DYNC2I1: variants seen among roughly 807,000 people sequenced by gnomAD.
DYNC2I1 encodes the protein cytoplasmic dynein 2 intermediate chain 1.
Under a neutral mutation model 133.4 loss-of-function variants are expected in DYNC2I1, and 89 were observed. The ratio of observed to expected loss-of-function variants is 0.67; its 90% confidence interval spans 0.56 to 0.80. The LOEUF (loss-of-function observed/expected upper bound fraction) is 0.80, where lower values mean the gene tolerates loss of function less well. Among genes scored for constraint, DYNC2I1 ranks in the 30% least tolerant of loss-of-function variants. The probability of loss-of-function intolerance (pLI) is 0.00; values close to 1 mark genes in which losing one functional copy is unlikely to be tolerated. For synonymous variants in DYNC2I1, 504 were observed against 484.3 expected, an observed-to-expected ratio of 1.04 and a Z score of -0.54; for missense variants, 1,291 against 1,314.5, an observed-to-expected ratio of 0.98 and a Z score of 0.28.
intron 24 of DYNC2I1, among the ~76,000 whole-genome samples, chr7:158,942,473 G>T (rs767520134): frequency 1.3e-5 from 2 of 152,144 alleles, no homozygotes; most frequent in African/African-American, 2.4e-5. Context: ...TCACTCTTGG[G>T]TTGTGCATTT....
At chr7:158,889,144 G>A (rs1485513727) in intron 7 of DYNC2I1, among the ~76,000 whole-genome samples, 7 of 145,738 alleles carry the variant, frequency 4.8e-5, no homozygotes, top group East Asian at 2.1e-4. Context: ...GCAGTGGCGC[G>A]ATCTTGGCTC....
chr7:158,890,451 T>C (rs985923177), intron 7 of DYNC2I1, among the ~76,000 whole-genome samples: 3 of 152,204 alleles, frequency 2.0e-5, no homozygotes, highest in Non-Finnish European at 1.5e-5. Flanking sequence ...GAATTTATCT[T>C]GGTTCAATTC....
At chr7:158,911,852 G>A (rs1352264381) in intron 12 of DYNC2I1, among the ~76,000 whole-genome samples, 173 bp downstream of exon 12, 1 of 152,230 alleles carries the variant, frequency 6.6e-6, no homozygotes, top group African/African-American at 2.4e-5. Context: ...TCACCCGAGA[G>A]GCCGGGCACA....
the DYNC2I1 span, among the ~76,000 whole-genome samples, chr7:158,850,158 A>G: frequency 6.6e-6 from 1 of 152,104 alleles, no homozygotes; most frequent in African/African-American, 2.4e-5. Context: ...CTGAAGGTGC[A>G]GGCTACAGAG....
intron 21 of DYNC2I1, among the ~76,000 whole-genome samples, chr7:158,932,762 C>A (rs1287848625): frequency 6.6e-6 from 1 of 152,094 alleles, no homozygotes; most frequent in Non-Finnish European, 1.5e-5. Context: ...CAACCAGGAT[C>A]TGAACAAAGG....
intron 14 of DYNC2I1, among the ~76,000 whole-genome samples, chr7:158,915,708 A>T: frequency 6.7e-6 from 1 of 149,846 alleles, no homozygotes; most frequent in Non-Finnish European, 1.5e-5. Flanking sequence ...GACATTAAGG[A>T]TGATTGTGAA....
intron 8 of DYNC2I1, among the ~76,000 whole-genome samples, chr7:158,893,736 G>T (rs530958573): frequency 1.1e-4 from 16 of 150,596 alleles, no homozygotes; most frequent in Non-Finnish European, 1.8e-4. Flanking sequence ...ATGTCACACC[G>T]CATATCATAC....
At chr7:158,881,251 C>G (rs1843975756) in intron 5 of DYNC2I1, among the ~76,000 whole-genome samples, 1 of 152,144 alleles carries the variant, frequency 6.6e-6, no homozygotes, top group Non-Finnish European at 1.5e-5. Flanking sequence ...CACTGTCTTC[C>G]GCAGCCCACG....
At chr7:158,906,357 T>C (rs775239027) in intron 11 of DYNC2I1, among the ~76,000 whole-genome samples, 10 of 152,178 alleles carry the variant, frequency 6.6e-5, no homozygotes, top group Non-Finnish European at 1.2e-4. Context: ...ATCGAGAAAT[T>C]TGTAAAATTT....
At chr7:158,867,527 G>A (rs2095647063) in intron 1 of DYNC2I1, among the ~76,000 whole-genome samples, 1 of 152,204 alleles carries the variant, frequency 6.6e-6, no homozygotes, top group Admixed American at 6.5e-5. Context: ...AGGCAGTGGT[G>A]CAGTGTGACA....
intron 5 of DYNC2I1, among the ~76,000 whole-genome samples, chr7:158,882,608 C>T (rs1844151394): frequency 6.6e-6 from 1 of 152,068 alleles, no homozygotes; most frequent in South Asian, 2.1e-4. Context: ...CATGGTGGCT[C>T]ACACCTATAA....
intron 4 of DYNC2I1, 102 bp downstream of exon 4, chr7:158,876,793 A>G (rs1843398290): frequency 1.4e-6 from 2 of 1,420,130 alleles, no homozygotes; most frequent in African/African-American, 2.9e-5. Flanking sequence ...GTCCTAAGCC[A>G]GGATTTCAGT....
chr7:158,849,096 A>G, the DYNC2I1 span, among the ~76,000 whole-genome samples: 1 of 152,232 alleles, frequency 6.6e-6, no homozygotes, highest in South Asian at 2.1e-4. Context: ...AAAGATTGAC[A>G]AAAGGCCTGA....
intron 11 of DYNC2I1, among the ~76,000 whole-genome samples, chr7:158,911,116 A>C (rs1433500140): frequency 1.3e-5 from 2 of 152,180 alleles, no homozygotes; most frequent in Non-Finnish European, 2.9e-5. Flanking sequence ...TGTGGCCTGG[A>C]AAAGAGCGTG....
At chr7:158,883,560 A>G in intron 5 of DYNC2I1, among the ~76,000 whole-genome samples, 1 of 150,386 alleles carries the variant, frequency 6.6e-6, no homozygotes. Flanking sequence ...GAATGATATA[A>G]CTTTTATTGT....
rs925187409 is a variant in DYNC2I1, at chr7:158,945,328, C to T, written c.3003-253C>T. On this transcript the variant is annotated intron_variant, in intron 24 of 24. Coordinates refer to ENST00000407559, the MANE Select transcript of DYNC2I1 (RefSeq NM_018051.5). The surrounding 1 kb of genome is among the most constrained non-coding windows in gnomAD (Gnocchi z 4.1). ...CCAGGGACCTGCTGGGGGCTACTGA[C>T]TCCCGGCCTGAGGAGACAGCAGCAC... Among the ~76,000 whole-genome samples the T allele has an allele frequency of 6.6e-6, 1 of 152,182 alleles. No homozygotes were observed. The highest frequency in any genetic ancestry group is 2.4e-5 in the African/African-American group (1 of 41,436).
intron 4 of DYNC2I1, among the ~76,000 whole-genome samples, chr7:158,877,643 G>A (rs1843490899): frequency 6.6e-6 from 1 of 152,192 alleles, no homozygotes; most frequent in South Asian, 2.1e-4. Flanking sequence ...ATTTTTAAAA[G>A]CAGGTTTACT....
chr7:158,856,657 G>T lies in DYNC2I1; in HGVS notation c.-79G>T. 1 of 1,220,546 alleles carries T rather than the reference G, an allele frequency of 8.2e-7. No homozygotes were observed. The highest frequency in any genetic ancestry group is 1.0e-6 in the Non-Finnish European group (1 of 977,126). 75.6% of individuals were successfully genotyped at this position (1,220,546 alleles called of 1,614,324 possible). Reference sequence around the variant, plus strand: ...GGGACGCGCCTCCCGAAGGGTGCGGGGCACAGGTGGCCTCTTCGGGGTGGA... The same window carrying T: ...GGGACGCGCCTCCCGAAGGGTGCGGTGCACAGGTGGCCTCTTCGGGGTGGA... On this transcript the variant is annotated 5_prime_UTR_variant, in exon 1 of 25. Coordinates refer to ENST00000407559, the MANE Select transcript of DYNC2I1 (RefSeq NM_018051.5).
chr7:158,871,039 T>G (rs1401225286), intron 2 of DYNC2I1, 103 bp from the exon 3 acceptor site: 11 of 1,331,416 alleles, frequency 8.3e-6, no homozygotes, highest in Non-Finnish European at 1.1e-5. Flanking sequence ...GCAAATATGT[T>G]TTAAGGCCCT....
Sources: gnomAD v4.1 joint callset for allele counts (sites outside exome capture counted in the v4.1 genomes callset) on GRCh38, gnomAD v4.1.1 for gene constraint, Gnocchi (gnomAD v3.1) non-coding constraint, MANE v1.5 for transcripts, NCBI Gene and HGNC (gene_info 2026-07-23, HGNC 2026-07-21) for gene names.